The following NLGN4X variants were observed in gnomAD, a reference collection of about 807,000 sequenced individuals.
The protein encoded by NLGN4X is neuroligin-4, X-linked.
NLGN4X carries 3 observed loss-of-function variants against 40.3 expected under a neutral mutation model. The observed-to-expected ratio is 0.07, with a 90% CI of 0.03 to 0.19. The LOEUF (loss-of-function observed/expected upper bound fraction) is 0.19. NLGN4X is among the 10% of genes least tolerant of loss of function. NLGN4X has a pLI of 1.00. For missense variants in NLGN4X, 382 were observed against 708.3 expected, an observed-to-expected ratio of 0.54 and a Z score of 5.23; for synonymous variants, 270 against 306.8, an observed-to-expected ratio of 0.88 and a Z score of 1.25.
intron 2 of NLGN4X, among the ~76,000 whole-genome samples, chrX:6,038,976 C>T (rs2037090514): frequency 9.1e-6 from 1 of 110,243 alleles, no homozygotes; most frequent in African/African-American, 3.3e-5. Context: ...GTTTGAAGAC[C>T]CCAGTTCCAG....
chrX:5,967,860 T>C (rs1004581990), intron 3 of NLGN4X, among the ~76,000 whole-genome samples: 10 of 111,257 alleles, frequency 9.0e-5, no homozygotes, highest in Admixed American at 2.9e-4. Context: ...CTGCTCACCC[T>C]GCAGGTAGTG....
intron 3 of NLGN4X, among the ~76,000 whole-genome samples, chrX:5,999,445 A>G (rs1187766095): frequency 8.9e-6 from 1 of 112,542 alleles, no homozygotes. Context: ...AAAAATAAGT[A>G]TGATAACTTT....
At chrX:5,939,921 G>A (rs1171726737) in intron 3 of NLGN4X, among the ~76,000 whole-genome samples, 1 of 111,026 alleles carries the variant, frequency 9.0e-6, no homozygotes, top group Non-Finnish European at 1.9e-5. Flanking sequence ...CTATTTTCTG[G>A]ACCTAAATGT....
chrX:6,096,693 A>T (rs763397880), intron 2 of NLGN4X, among the ~76,000 whole-genome samples: 1 of 111,576 alleles, frequency 9.0e-6, no homozygotes, highest in Non-Finnish European at 1.9e-5. Context: ...ATTGTCAGAG[A>T]CTCTCATCTG....
chrX:6,160,881 AG>A (rs2040372328), intron 1 of NLGN4X, among the ~76,000 whole-genome samples: 1 of 76,630 alleles, frequency 1.3e-5, no homozygotes, highest in Non-Finnish European at 2.7e-5. Flanking sequence ...CTATATATAG[AG>A]AGAGAATAAT....
chrX:6,219,520 CTT>C (rs1925444844), intron 1 of NLGN4X, among the ~76,000 whole-genome samples: 3 of 103,315 alleles, frequency 2.9e-5, no homozygotes, highest in Non-Finnish European at 4.0e-5. Context: ...TCCCTCCCTG[CTT>C]CCTTTCTTCC....
chrX:6,204,435 G>T (rs1015706180), intron 1 of NLGN4X, among the ~76,000 whole-genome samples: 7 of 111,860 alleles, frequency 6.3e-5, no homozygotes, highest in Non-Finnish European at 1.3e-4. Context: ...ATATGCATTG[G>T]CTTGAATTGA....
intron 2 of NLGN4X, among the ~76,000 whole-genome samples, chrX:6,126,943 C>G (rs1054521356): frequency 1.3e-4 from 15 of 111,728 alleles, no homozygotes; most frequent in African/African-American, 4.9e-4. Context: ...CTTGGATTGG[C>G]TGATGTATAT....
chrX:6,057,245 T>C (rs1297170632), intron 2 of NLGN4X, among the ~76,000 whole-genome samples: 2 of 111,880 alleles, frequency 1.8e-5, no homozygotes, highest in Non-Finnish European at 3.8e-5. Context: ...GCAGTAGTGT[T>C]TTGGCAGCTT....
chrX:6,175,041 C>T (rs767946613), intron 1 of NLGN4X, among the ~76,000 whole-genome samples: 1 of 111,805 alleles, frequency 8.9e-6, no homozygotes, highest in South Asian at 3.7e-4. Context: ...ATATGTATTG[C>T]TTTCTATTAA....
intron 2 of NLGN4X, among the ~76,000 whole-genome samples, chrX:6,100,322 A>G (rs2038878571): frequency 8.9e-6 from 1 of 112,513 alleles, no homozygotes; most frequent in South Asian, 3.7e-4. Context: ...TGTTTTGGCC[A>G]GTTTGGGGGC....
intron 3 of NLGN4X, among the ~76,000 whole-genome samples, chrX:6,014,756 C>A (rs1331577866): frequency 9.0e-6 from 1 of 111,643 alleles, no homozygotes; most frequent in Non-Finnish European, 1.9e-5. Context: ...TAACCTAATG[C>A]CCCTTTACAT....
chrX:6,020,186 T>C (rs138634129), intron 3 of NLGN4X, among the ~76,000 whole-genome samples: 2,097 of 111,585 alleles, frequency 0.019, 18 homozygotes, highest in Non-Finnish European at 0.031. Context: ...AGCTGAAATA[T>C]GGAATCAACC....
chrX:6,066,474 T>A (rs1450055313), intron 2 of NLGN4X, among the ~76,000 whole-genome samples: 1 of 112,223 alleles, frequency 8.9e-6, no homozygotes, highest in Non-Finnish European at 1.9e-5. Flanking sequence ...TCGATACTGA[T>A]TAAGAAAATA....
At chrX:6,037,708 T>C (rs2037052511) in intron 2 of NLGN4X, among the ~76,000 whole-genome samples, 1 of 93,510 alleles carries the variant, frequency 1.1e-5, no homozygotes, top group Admixed American at 1.5e-4. Flanking sequence ...AGAGACTTTT[T>C]AAGCTAAGTA....
chrX:6,208,616 T>G (rs1005662336), intron 1 of NLGN4X, among the ~76,000 whole-genome samples: 1 of 112,064 alleles, frequency 8.9e-6, no homozygotes, highest in Non-Finnish European at 1.9e-5. Context: ...CATGTAAAAC[T>G]TGGAATAAGT....
intron 2 of NLGN4X, among the ~76,000 whole-genome samples, chrX:6,105,648 A>T (rs1363438972): frequency 9.0e-6 from 1 of 111,500 alleles, no homozygotes; most frequent in Non-Finnish European, 1.9e-5. Context: ...AACCCATCCC[A>T]ATCATTAAGC....
intron 3 of NLGN4X, among the ~76,000 whole-genome samples, chrX:5,969,783 A>G (rs1462581203): frequency 1.8e-5 from 2 of 110,789 alleles, no homozygotes; most frequent in African/African-American, 6.6e-5. Flanking sequence ...CCAAATGTCC[A>G]ACAATGATAG....
Position 5,930,109 on chromosome X carries a change from T to A in NLGN4X, c.626-20870A>T, listed in dbSNP as rs188541290. Among the ~76,000 whole-genome samples the A allele has an allele frequency of 3.2e-3, 354 of 111,899 alleles. 2 individuals are homozygous for A. The highest frequency in any genetic ancestry group is 5.7e-3 in the Non-Finnish European group (301 of 53,154). On this transcript the variant is annotated intron_variant, in intron 3 of 5. Transcript: ENST00000381095. The stretch of plus-strand genomic sequence containing the variant: ...AGGTCAGAGAGAACTTTCCTGCTTC[T>A]TCTGTTTTTTCAAATGCTAAGGTGC...
Sources: allele counts gnomAD v4.1 joint callset (sites outside exome capture counted in the v4.1 genomes callset), GRCh38; gene constraint gnomAD v4.1.1; transcripts MANE v1.5; gene names NCBI Gene and HGNC (gene_info 2026-07-23, HGNC 2026-07-21).